The following KCTD10 variants were observed in gnomAD, a reference collection of about 807,000 sequenced individuals.
KCTD10 encodes potassium channel tetramerization domain containing 10, also known as BTB/POZ domain-containing adapter for CUL3-mediated RhoA degradation protein 3.
A neutral mutation model predicts 34.6 loss-of-function variants in KCTD10; 13 were observed. The ratio of observed to expected loss-of-function variants is 0.38; its 90% CI spans 0.24 to 0.60. The LOEUF is 0.60. Ranked by LOEUF, KCTD10 falls within the 20% of genes least tolerant of loss-of-function variation. The pLI is 0.66. For synonymous variants in KCTD10, 156 were observed against 168.8 expected, an observed-to-expected ratio of 0.92 and a Z score of 0.59; for missense variants, 256 against 420.3, an observed-to-expected ratio of 0.61 and a Z score of 3.42.
At position 109,468,463 on chromosome 12, in the gene KCTD10, C is replaced by T. The variant is rs967130760; in HGVS notation, c.217+1052G>A. On this transcript the variant is annotated intron_variant, in intron 2 of 6. Transcript: ENST00000228495. ...CAGGAAGGCGGGGTCAAGGTCAAGC[C>T]AGGCTGTGCCCTGGCCTGGTCTTAA... 2.6e-5 allele frequency among the ~76,000 whole-genome samples: 4 copies of T among 152,254 alleles called. No homozygotes were observed. In the East Asian group the frequency reaches 7.7e-4, roughly 29 times the overall value.
At chr12:109,465,409 A>G (rs1873544823) in intron 2 of KCTD10, among the ~76,000 whole-genome samples, 1 of 152,210 alleles carries the variant, frequency 6.6e-6, no homozygotes, top group Admixed American at 6.5e-5. Flanking sequence ...TAATACCTGG[A>G]AAGATGGACA....
At chr12:109,467,132 G>A (rs1288610354) in intron 2 of KCTD10, among the ~76,000 whole-genome samples, 3 of 152,232 alleles carry the variant, frequency 2.0e-5, no homozygotes, top group African/African-American at 7.2e-5. Context: ...CAAATGATCT[G>A]GCCTTGGACC....
At chr12:109,467,799 G>A (rs996254817) in intron 2 of KCTD10, among the ~76,000 whole-genome samples, 2 of 151,936 alleles carry the variant, frequency 1.3e-5, no homozygotes, top group African/African-American at 4.8e-5. Flanking sequence ...ACATCTCATA[G>A]CAGGGATTTA....
rs1872719018 is a variant in KCTD10, at chr12:109,450,515, G to A, written c.*1080C>T. The A allele has an allele frequency of 1.0e-5, 4 of 397,310 alleles. No homozygotes were observed. The highest frequency in any genetic ancestry group is 2.1e-5 in the African/African-American group (1 of 48,594). The allele number at this position is 397,310 out of a possible 1,614,324, so 24.6% of individuals were successfully genotyped here. A position where few individuals can be genotyped will look rare whatever the true frequency, so the allele number is the denominator to read the frequency against. On this transcript the variant is annotated 3_prime_UTR_variant, in exon 7 of 7. Coordinates refer to ENST00000228495, the MANE Select transcript of KCTD10 (RefSeq NM_031954.5). ...ACTCTACACTGTGTAAAAATCAGAG[G>A]CAAAGACAAGGGGGTCTGTGTTTAT...
intron 5 of KCTD10, 95 bp downstream of exon 5, chr12:109,457,535 T>G: frequency 9.7e-7 from 1 of 1,029,928 alleles, no homozygotes; most frequent in South Asian, 1.3e-5. Flanking sequence ...AGAGGGGTCA[T>G]CCTCATCTGA....
At chr12:109,465,354 C>T (rs1873541994) in intron 2 of KCTD10, among the ~76,000 whole-genome samples, 1 of 152,208 alleles carries the variant, frequency 6.6e-6, no homozygotes, top group Non-Finnish European at 1.5e-5. Context: ...TTTAAAAACA[C>T]ACCAACAGCG....
intron 1 of KCTD10, chr12:109,470,128 A>T: frequency 9.8e-7 from 1 of 1,018,934 alleles, no homozygotes; most frequent in Non-Finnish European, 1.2e-6. Context: ...ATACATGAAC[A>T]CCCTGGCTGC....
intron 5 of KCTD10, chr12:109,456,669 G>A: frequency 2.7e-6 from 1 of 372,366 alleles, no homozygotes; most frequent in Non-Finnish European, 5.1e-6. Flanking sequence ...GAGCAGAATG[G>A]CACTGCCCAA....
intron 1 of KCTD10, among the ~76,000 whole-genome samples, chr12:109,475,886 A>C (rs1233662256): frequency 6.1e-5 from 6 of 98,454 alleles, no homozygotes; most frequent in Admixed American, 3.6e-4. Flanking sequence ...GCCAATTGCA[A>C]CTTCCATCAA....
At chr12:109,468,050 G>C (rs1014125012) in intron 2 of KCTD10, among the ~76,000 whole-genome samples, 1 of 152,148 alleles carries the variant, frequency 6.6e-6, no homozygotes, top group African/African-American at 2.4e-5. Flanking sequence ...TCCTCCAGCA[G>C]CGGGGGTGCT....
At chr12:109,474,723 C>A (rs1207578625) in intron 1 of KCTD10, among the ~76,000 whole-genome samples, 1 of 152,200 alleles carries the variant, frequency 6.6e-6, no homozygotes, top group African/African-American at 2.4e-5. Flanking sequence ...AGCCAGCCCC[C>A]ACTTCACAGC....
chr12:109,449,673 T>G lies in KCTD10; in HGVS notation c.*1922A>C, dbSNP rs1256009044. ...CCCAGGAGGCACAAGTTGTGGTAAG[T>G]GGAGATGGTGCCACTACACTCCAGC... On this transcript the variant is annotated 3_prime_UTR_variant, in exon 7 of 7. Coordinates refer to ENST00000228495, the MANE Select transcript of KCTD10 (RefSeq NM_031954.5). The G allele has an allele frequency of 1.3e-5, 2 of 151,916 alleles. No individual in the cohort carries two copies. Among genetic ancestry groups the G allele is most frequent in the African/African-American group, 4.8e-5 (2 of 41,260 alleles). The allele number at this position is 151,916 out of a possible 1,614,324, so 9.4% of individuals were successfully genotyped here.
At chr12:109,470,634 C>G in intron 1 of KCTD10, 2 of 980,070 alleles carry the variant, frequency 2.0e-6, no homozygotes, top group Non-Finnish European at 2.4e-6. Context: ...CCTACCATTC[C>G]CATTGAACAT....
Position 109,460,755 on chromosome 12 carries a change from AGTTGAGTATC to A in KCTD10, c.258_267del (p.Ile87ThrfsTer20). The A allele has an allele frequency of 6.2e-7, 1 of 1,614,138 alleles. No homozygotes were observed. ...AAAGGCACCGCCCCGTCTCGAAGGT[AGTTGAGTATC>A]GTACCAAAGTGCTTCCCACAGCGGT... On this transcript the variant is annotated frameshift_variant, in exon 3 of 7. Transcript: ENST00000228495. LOFTEE classifies it high-confidence loss of function. This position sits in a 1 kb window ranked among gnomAD's most constrained non-coding sequence, Gnocchi z 4.5.
At chr12:109,475,457 C>CTG (rs1199118792) in intron 1 of KCTD10, among the ~76,000 whole-genome samples, 1 of 152,126 alleles carries the variant, frequency 6.6e-6, no homozygotes, top group Non-Finnish European at 1.5e-5. Context: ...CCAGCCTGGG[C>CTG]GACAGAGCAA....
intron 1 of KCTD10, among the ~76,000 whole-genome samples, chr12:109,475,490 A>G (rs982020060): frequency 6.6e-6 from 1 of 151,948 alleles, no homozygotes; most frequent in African/African-American, 2.4e-5. Flanking sequence ...AAAAAACAAA[A>G]ACAAACTCAC....
chr12:109,470,998 T>C, intron 1 of KCTD10: 1 of 433,114 alleles, frequency 2.3e-6, no homozygotes, highest in Non-Finnish European at 3.1e-6. Context: ...TTCTCTGAGA[T>C]GTCCCACAGT....
chr12:109,469,274 G>C, intron 2 of KCTD10: 2 of 534,952 alleles, frequency 3.7e-6, no homozygotes, highest in Admixed American at 3.3e-5. Flanking sequence ...TCTCCCCCAG[G>C]CTTGAGTTTC....
chr12:109,466,859 C>T (rs938673765), intron 2 of KCTD10, among the ~76,000 whole-genome samples: 2 of 152,274 alleles, frequency 1.3e-5, no homozygotes, highest in Non-Finnish European at 2.9e-5. Context: ...AGCTGACAGG[C>T]TTCCAGCCTG....
Sources: gnomAD v4.1 joint callset for allele counts (sites outside exome capture counted in the v4.1 genomes callset) on GRCh38, gnomAD v4.1.1 for gene constraint, Gnocchi (gnomAD v3.1) non-coding constraint, MANE v1.5 for transcripts, NCBI Gene and HGNC (gene_info 2026-07-23, HGNC 2026-07-21) for gene names.